The following WDPCP variants were observed in gnomAD, a reference collection of about 807,000 sequenced individuals.
The protein encoded by WDPCP is WD repeat-containing and planar cell polarity effector protein fritz homolog.
A neutral mutation model predicts 93.1 loss-of-function variants in WDPCP; 71 were observed. The ratio of observed to expected loss-of-function variants is 0.76; its 90% confidence interval spans 0.63 to 0.93. The LOEUF is 0.93. Among genes scored for constraint, WDPCP ranks in the 40% least tolerant of loss-of-function variants. The pLI, the probability that WDPCP is intolerant of heterozygous loss-of-function variation, is 0.00. For missense variants in WDPCP, 844 were observed against 887.4 expected (o/e 0.95, Z 0.62); for synonymous variants, 315 against 315.0 (o/e 1.00, Z 0.00).
At chr2:63,434,175 G>C (rs1172349668) in intron 8 of WDPCP, among the ~76,000 whole-genome samples, 1 of 152,132 alleles carries the variant, frequency 6.6e-6, no homozygotes, top group Non-Finnish European at 1.5e-5. Flanking sequence ...ATGTGAGCTA[G>C]GAAGAAATTG....
At chr2:63,410,602 A>G (rs1312775041) in intron 9 of WDPCP, among the ~76,000 whole-genome samples, 1 of 152,186 alleles carries the variant, frequency 6.6e-6, no homozygotes, top group Non-Finnish European at 1.5e-5. Context: ...GAACTACAGA[A>G]TGGGTAAGAA....
intron 14 of WDPCP, among the ~76,000 whole-genome samples, chr2:63,253,405 CAA>C (rs1167809042): frequency 6.6e-6 from 1 of 151,728 alleles, no homozygotes; most frequent in Non-Finnish European, 1.5e-5. Flanking sequence ...CCAATTAAAC[CAA>C]AGAGCTTCTG....
intron 3 of WDPCP, among the ~76,000 whole-genome samples, chr2:63,610,090 T>C (rs1269393846): frequency 6.6e-6 from 1 of 152,186 alleles, no homozygotes; most frequent in Non-Finnish European, 1.5e-5. Flanking sequence ...CAAAGCATTT[T>C]GTTGCTCCTT....
intron 13 of WDPCP, among the ~76,000 whole-genome samples, chr2:63,264,637 G>C (rs1242889387): frequency 6.6e-6 from 1 of 152,090 alleles, no homozygotes; most frequent in African/African-American, 2.4e-5. Flanking sequence ...AATGGTAGTA[G>C]ACTTCATTAC....
intron 13 of WDPCP, among the ~76,000 whole-genome samples, chr2:63,266,495 TAAAG>T: frequency 6.6e-6 from 1 of 152,100 alleles, no homozygotes; most frequent in Non-Finnish European, 1.5e-5. Flanking sequence ...TGAAAGAAAT[TAAAG>T]AAGACACAAA....
chr2:63,485,962 A>G (rs1700549839), intron 4 of WDPCP, among the ~76,000 whole-genome samples: 2 of 151,760 alleles, frequency 1.3e-5, no homozygotes, highest in African/African-American at 2.4e-5. Context: ...TGCAGCTACT[A>G]ATACATTATT....
At chr2:63,719,322 T>G (rs893281741) in intron 2 of WDPCP, among the ~76,000 whole-genome samples, 1 of 152,150 alleles carries the variant, frequency 6.6e-6, no homozygotes, top group Non-Finnish European at 1.5e-5. Context: ...AGGGAGGGAA[T>G]GTGGGACAGG....
At chr2:63,594,374 T>G (rs1428764085) in intron 3 of WDPCP, 8 of 878,358 alleles carry the variant, frequency 9.1e-6, no homozygotes, top group Non-Finnish European at 1.4e-5. Context: ...AAAAGGACTT[T>G]AAAATTTTAC....
chr2:63,181,295 C>T (rs140845653), intron 14 of WDPCP, among the ~76,000 whole-genome samples: 70 of 152,150 alleles, frequency 4.6e-4, no homozygotes, highest in Middle Eastern at 6.8e-3. Flanking sequence ...AGGAGTTTTC[C>T]GTAGGTTTTC....
At chr2:63,749,059 C>G (rs529830428) in intron 2 of WDPCP, among the ~76,000 whole-genome samples, 1 of 152,192 alleles carries the variant, frequency 6.6e-6, no homozygotes, top group East Asian at 1.9e-4. Flanking sequence ...CTCCTGTACT[C>G]TTTGCTAAAG....
intron 9 of WDPCP, among the ~76,000 whole-genome samples, chr2:63,410,115 A>G (rs1374829214): frequency 6.6e-6 from 1 of 152,210 alleles, no homozygotes; most frequent in African/African-American, 2.4e-5. Flanking sequence ...GAGCTGTGAG[A>G]CAGAAGCACG....
intron 9 of WDPCP, among the ~76,000 whole-genome samples, chr2:63,433,009 A>T (rs1696874540): frequency 1.3e-5 from 2 of 152,210 alleles, no homozygotes; most frequent in Admixed American, 1.3e-4. Context: ...TACCTACATA[A>T]GAAAGTGGGG....
intron 6 of WDPCP, among the ~76,000 whole-genome samples, chr2:63,446,936 A>G (rs1041999723): frequency 3.3e-5 from 5 of 152,374 alleles, no homozygotes; most frequent in African/African-American, 7.2e-5. Flanking sequence ...GATGCCAAAT[A>G]TATCTCACAT....
At chr2:63,398,277 G>T (rs1243348497) in intron 10 of WDPCP, among the ~76,000 whole-genome samples, 1 of 152,080 alleles carries the variant, frequency 6.6e-6, no homozygotes, top group Non-Finnish European at 1.5e-5. Context: ...GAATGGAAAA[G>T]CTTTAATATC....
intron 3 of WDPCP, among the ~76,000 whole-genome samples, chr2:63,595,246 C>T (rs1709284517): frequency 6.6e-6 from 1 of 152,122 alleles, no homozygotes; most frequent in Non-Finnish European, 1.5e-5. Context: ...GGTTTTATAG[C>T]ATCCTTCTTT....
At chr2:63,562,313 G>A (rs930435728) in intron 1 of WDPCP, among the ~76,000 whole-genome samples, 1 of 152,112 alleles carries the variant, frequency 6.6e-6, no homozygotes. Flanking sequence ...AGTGGGAGCT[G>A]AACAATGAGA....
chr2:63,408,394 A>G (rs1369306556), intron 9 of WDPCP, among the ~76,000 whole-genome samples: 1 of 152,082 alleles, frequency 6.6e-6, no homozygotes, highest in African/African-American at 2.4e-5. Flanking sequence ...AGTGGAGCAA[A>G]ATACAGGGGT....
intron 17 of WDPCP, among the ~76,000 whole-genome samples, chr2:63,127,865 C>A (rs1670028459): frequency 2.0e-5 from 3 of 151,888 alleles, no homozygotes; most frequent in African/African-American, 7.3e-5. Context: ...TGTGGCCTGG[C>A]ATGGTGGCTC....
chr2:63,564,768 A>G (rs1391085151), intron 1 of WDPCP: 1 of 144,046 alleles, frequency 6.9e-6, no homozygotes, highest in Admixed American at 7.3e-5. Flanking sequence ...ACTAAAGCTT[A>G]AAACTGCACC....
Sources: allele counts gnomAD v4.1 joint callset (sites outside exome capture counted in the v4.1 genomes callset), GRCh38; gene constraint gnomAD v4.1.1; transcripts MANE v1.5; gene names NCBI Gene and HGNC (gene_info 2026-07-23, HGNC 2026-07-21).